The following DPP6 variants were observed in gnomAD, a reference collection of about 807,000 sequenced individuals.
The protein encoded by DPP6 is dipeptidyl peptidase like 6, also known as A-type potassium channel modulatory protein DPP6.
In DPP6, 69 loss-of-function variants were observed where a neutral mutation model predicts 122.6. The ratio of observed to expected loss-of-function variants is 0.56; its 90% CI spans 0.46 to 0.69. The LOEUF (loss-of-function observed/expected upper bound fraction) is 0.69, where lower values mean the gene tolerates loss of function less well. Ranked by LOEUF, DPP6 falls within the 30% of genes least tolerant of loss-of-function variation. DPP6 has a pLI of 0.00. For synonymous variants in DPP6, 418 were observed against 433.1 expected, an observed-to-expected ratio of 0.97 and a Z score of 0.43; for missense variants, 928 against 1,116.9, an observed-to-expected ratio of 0.83 and a Z score of 2.41.
the DPP6 span, among the ~76,000 whole-genome samples, chr7:153,862,723 T>C: frequency 6.6e-6 from 1 of 152,178 alleles, no homozygotes; most frequent in Admixed American, 6.5e-5. Flanking sequence ...ACAGTATTTT[T>C]TTTAGTATTT....
intron 1 of DPP6, among the ~76,000 whole-genome samples, chr7:154,112,415 CG>C (rs1563210825): frequency 6.6e-6 from 1 of 151,908 alleles, no homozygotes; most frequent in African/African-American, 2.4e-5. Flanking sequence ...GAGGCTGAGG[CG>C]GGTGGATCAT....
the DPP6 span, among the ~76,000 whole-genome samples, chr7:153,810,680 C>CTCTCTG: frequency 1.2e-5 from 1 of 81,804 alleles, no homozygotes; most frequent in Non-Finnish European, 2.5e-5. Context: ...TCCTCTCTCT[C>CTCTCTG]TCTCTCTCTC....
At chr7:154,659,810 G>A (rs1371919822) in intron 6 of DPP6, among the ~76,000 whole-genome samples, 1 of 152,240 alleles carries the variant, frequency 6.6e-6, no homozygotes, top group African/African-American at 2.4e-5. Flanking sequence ...GAGAAAGATT[G>A]AGAGGTTGAG....
intron 1 of DPP6, among the ~76,000 whole-genome samples, chr7:154,425,654 GTT>G (rs1817857252): frequency 6.8e-6 from 1 of 148,092 alleles, no homozygotes; most frequent in Non-Finnish European, 1.5e-5. Flanking sequence ...GTGTGTGTGT[GTT>G]TACTGAGATG....
In DPP6 at chr7:154,736,762, G is replaced by T. The variant is rs375055329; in HGVS notation, c.883+8875G>T. Reference sequence around the variant, plus strand: ...ATATTGTATGTTTCCCATAACACCAGTGACTCTCTGAGTACTTAATAAATG... The same window carrying T: ...ATATTGTATGTTTCCCATAACACCATTGACTCTCTGAGTACTTAATAAATG... On this transcript the variant is annotated intron_variant, in intron 8 of 25. Transcript: ENST00000377770. Among the ~76,000 whole-genome samples, 3 of 152,204 alleles carry T rather than the reference G, an allele frequency of 2.0e-5. No homozygotes were observed. The East Asian group carries it at 5.8e-4, about 29-fold the overall frequency.
chr7:154,784,804 T>C (rs1797241614), intron 10 of DPP6, among the ~76,000 whole-genome samples: 5 of 152,194 alleles, frequency 3.3e-5, no homozygotes. Flanking sequence ...CACAGACCCG[T>C]CTAATCTGAC....
At chr7:154,686,508 C>A (rs558220567) in intron 7 of DPP6, among the ~76,000 whole-genome samples, 1 of 152,098 alleles carries the variant, frequency 6.6e-6, no homozygotes, top group African/African-American at 2.4e-5. Flanking sequence ...CCCCACTGAG[C>A]ATTCTCAAAG....
At chr7:154,461,231 T>C (rs1821273607) in intron 2 of DPP6, among the ~76,000 whole-genome samples, 1 of 152,216 alleles carries the variant, frequency 6.6e-6, no homozygotes, top group African/African-American at 2.4e-5. Flanking sequence ...TACTCCATTG[T>C]GTATACGTAC....
At chr7:154,535,927 T>G (rs1828217487) in intron 3 of DPP6, among the ~76,000 whole-genome samples, 1 of 152,144 alleles carries the variant, frequency 6.6e-6, no homozygotes, top group African/African-American at 2.4e-5. Context: ...ATGGTGGAAA[T>G]GCAAAATGGT....
the DPP6 span, among the ~76,000 whole-genome samples, chr7:153,817,703 G>A: frequency 6.9e-6 from 1 of 144,978 alleles, no homozygotes; most frequent in African/African-American, 2.6e-5. Context: ...ACTCATAGGT[G>A]GGAATTGAAC....
At chr7:154,439,599 A>G (rs913415048) in intron 1 of DPP6, among the ~76,000 whole-genome samples, 3 of 152,250 alleles carry the variant, frequency 2.0e-5, no homozygotes, top group Non-Finnish European at 4.4e-5. Flanking sequence ...AGAGCCTAAA[A>G]TAATTTGAAC....
chr7:154,621,543 A>G (rs910660608), intron 5 of DPP6, among the ~76,000 whole-genome samples: 1 of 145,178 alleles, frequency 6.9e-6, no homozygotes, highest in Non-Finnish European at 1.5e-5. Context: ...TAATTTTTGT[A>G]TTTTTAGTAG....
intron 1 of DPP6, among the ~76,000 whole-genome samples, chr7:154,129,949 G>A (rs371189041): frequency 1.1e-4 from 16 of 151,564 alleles, no homozygotes; most frequent in African/African-American, 2.9e-4. Flanking sequence ...GGTGACACAC[G>A]CCTGTAATCC....
At chr7:154,429,792 C>T (rs760440133) in intron 1 of DPP6, among the ~76,000 whole-genome samples, 5 of 152,092 alleles carry the variant, frequency 3.3e-5, no homozygotes, top group South Asian at 2.1e-4. Context: ...GCAGCGAGGC[C>T]GGTGAAACAC....
intron 1 of DPP6, among the ~76,000 whole-genome samples, chr7:154,069,563 C>A (rs1160048929): frequency 6.6e-6 from 1 of 151,648 alleles, no homozygotes; most frequent in African/African-American, 2.4e-5. Flanking sequence ...AAAATTTAAA[C>A]CTGACTGAGA....
intron 7 of DPP6, among the ~76,000 whole-genome samples, chr7:154,681,573 C>A (rs752807295): frequency 5.9e-5 from 9 of 152,288 alleles, no homozygotes; most frequent in Non-Finnish European, 1.2e-4. Context: ...CATTTGGAGG[C>A]TTTTCCGGTC....
intron 1 of DPP6, among the ~76,000 whole-genome samples, chr7:154,009,681 G>T (rs1798073007): frequency 6.6e-6 from 1 of 151,440 alleles, no homozygotes; most frequent in Non-Finnish European, 1.5e-5. Context: ...AAAGGATGGT[G>T]CCCTTTGTTC....
intron 1 of DPP6, among the ~76,000 whole-genome samples, chr7:154,435,098 A>C (rs890292008): frequency 9.9e-5 from 15 of 152,132 alleles, no homozygotes; most frequent in African/African-American, 3.4e-4. Context: ...CAGCCTCCCA[A>C]AGTGCTGGAA....
chr7:153,856,231 C>T, the DPP6 span, among the ~76,000 whole-genome samples: 1 of 152,170 alleles, frequency 6.6e-6, no homozygotes, highest in Non-Finnish European at 1.5e-5. Context: ...AAGACTACCA[C>T]AGAGCTAGGG....
Sources: gnomAD v4.1 joint callset for allele counts (sites outside exome capture counted in the v4.1 genomes callset) on GRCh38, gnomAD v4.1.1 for gene constraint, MANE v1.5 for transcripts, NCBI Gene and HGNC (gene_info 2026-07-23, HGNC 2026-07-21) for gene names.